The following SCHIP1 variants were observed in gnomAD, a reference collection of about 807,000 sequenced individuals.
SCHIP1 encodes the protein schwannomin-interacting protein 1.
Under a neutral mutation model 29.7 loss-of-function variants are expected in SCHIP1, and 8 were observed. That is an observed-to-expected ratio of 0.27 (90% CI 0.16 to 0.49). The LOEUF is 0.49. Ranked by LOEUF, SCHIP1 falls within the 20% of genes least tolerant of loss-of-function variation. The pLI is 0.99. For missense variants in SCHIP1, 193 were observed against 294.6 expected (o/e 0.66, Z 2.52); for synonymous variants, 76 against 94.9 (o/e 0.80, Z 1.16).
the SCHIP1 span, among the ~76,000 whole-genome samples, chr3:159,544,301 TATG>T: frequency 6.6e-6 from 1 of 152,086 alleles, no homozygotes; most frequent in Non-Finnish European, 1.5e-5. Context: ...TTCTACAATT[TATG>T]TATGTTACCA....
the SCHIP1 span, among the ~76,000 whole-genome samples, chr3:159,640,904 A>G: frequency 6.6e-6 from 1 of 152,166 alleles, no homozygotes; most frequent in Non-Finnish European, 1.5e-5. Flanking sequence ...TGCCTACATT[A>G]GAAAGACAAT....
chr3:159,337,445 AC>A, the SCHIP1 span, among the ~76,000 whole-genome samples: 1 of 152,054 alleles, frequency 6.6e-6, no homozygotes, highest in East Asian at 1.9e-4. Context: ...TATCCAGAAA[AC>A]CCCATTGTCT....
At chr3:159,750,297 A>ACG in the SCHIP1 span, among the ~76,000 whole-genome samples, 1 of 127,862 alleles carries the variant, frequency 7.8e-6, no homozygotes, top group African/African-American at 4.2e-5. Flanking sequence ...ATATATATAT[A>ACG]CACACACACA....
the SCHIP1 span, among the ~76,000 whole-genome samples, chr3:159,334,233 G>A: frequency 6.6e-6 from 1 of 152,282 alleles, no homozygotes; most frequent in African/African-American, 2.4e-5. Context: ...CGAAGAGGTT[G>A]TTGGCGAGAC....
At chr3:159,777,033 T>A in the SCHIP1 span, among the ~76,000 whole-genome samples, 1 of 152,194 alleles carries the variant, frequency 6.6e-6, no homozygotes, top group Non-Finnish European at 1.5e-5. Flanking sequence ...GAACATGATG[T>A]CAGTGTTCTG....
chr3:159,602,431 C>A, the SCHIP1 span, among the ~76,000 whole-genome samples: 1 of 152,160 alleles, frequency 6.6e-6, no homozygotes. Context: ...TCAGGCCGGG[C>A]CAGGCATGGT....
the SCHIP1 span, among the ~76,000 whole-genome samples, chr3:159,429,301 A>G: frequency 6.6e-6 from 1 of 152,022 alleles, no homozygotes; most frequent in Non-Finnish European, 1.5e-5. Flanking sequence ...ATAAGAGACT[A>G]CAAGGTTTTC....
chr3:159,689,093 T>C, the SCHIP1 span, among the ~76,000 whole-genome samples: 1 of 152,220 alleles, frequency 6.6e-6, no homozygotes, highest in Non-Finnish European at 1.5e-5. Flanking sequence ...TCCTTTTTGG[T>C]TCCATATGAA....
At chr3:159,711,412 A>T in the SCHIP1 span, among the ~76,000 whole-genome samples, 1 of 151,000 alleles carries the variant, frequency 6.6e-6, no homozygotes, top group Non-Finnish European at 1.5e-5. Context: ...TTTAAAAAAA[A>T]AATGTTTTCC....
the SCHIP1 span, chr3:159,274,181 C>T: frequency 1.0e-6 from 1 of 984,804 alleles, no homozygotes; most frequent in African/African-American, 1.7e-5. Flanking sequence ...TTGGAAATAG[C>T]ATTTTAATAT....
At chr3:159,438,258 C>T in the SCHIP1 span, among the ~76,000 whole-genome samples, 2 of 152,202 alleles carry the variant, frequency 1.3e-5, no homozygotes, top group East Asian at 3.9e-4. Flanking sequence ...CTGACCATGC[C>T]TGAGGGGTTC....
chr3:159,468,777 A>ATATATTT, the SCHIP1 span, among the ~76,000 whole-genome samples: 19 of 127,338 alleles, frequency 1.5e-4, no homozygotes, highest in East Asian at 2.7e-3. Flanking sequence ...ATATATATAT[A>ATATATTT]TTTTTTTTAG....
At chr3:159,711,933 A>C in the SCHIP1 span, among the ~76,000 whole-genome samples, 1 of 150,820 alleles carries the variant, frequency 6.6e-6, no homozygotes, top group African/African-American at 2.4e-5. Context: ...CCTAGGGATT[A>C]GGAAGATATT....
chr3:159,597,214 T>C, the SCHIP1 span, among the ~76,000 whole-genome samples: 4 of 152,136 alleles, frequency 2.6e-5, no homozygotes, highest in East Asian at 7.7e-4. Flanking sequence ...AAACTAATTA[T>C]ATAGATATTT....
chr3:159,507,636 A>G, the SCHIP1 span, among the ~76,000 whole-genome samples: 1 of 152,142 alleles, frequency 6.6e-6, no homozygotes, highest in Non-Finnish European at 1.5e-5. Context: ...TTTGAGATAC[A>G]TCCCATCAAT....
chr3:159,407,586 G>T, the SCHIP1 span, among the ~76,000 whole-genome samples: 3 of 152,120 alleles, frequency 2.0e-5, no homozygotes, highest in Non-Finnish European at 4.4e-5. Context: ...AATACACATT[G>T]TTCTCCTCAG....
intron 1 of SCHIP1, chr3:159,853,576 G>A (rs191386741): frequency 2.0e-6 from 1 of 494,342 alleles, no homozygotes; most frequent in Non-Finnish European, 3.6e-6. Context: ...AATATAGTCA[G>A]GAAAAACTAA....
the SCHIP1 span, among the ~76,000 whole-genome samples, chr3:159,481,431 A>G: frequency 6.6e-6 from 1 of 152,204 alleles, no homozygotes; most frequent in Non-Finnish European, 1.5e-5. Context: ...TGGCAGATAA[A>G]ATACAAGATG....
chr3:159,485,674 A>G, the SCHIP1 span, among the ~76,000 whole-genome samples: 20 of 152,152 alleles, frequency 1.3e-4, no homozygotes, highest in African/African-American at 4.8e-4. Flanking sequence ...TAGCTCTATA[A>G]TCTTGAGCAA....
Sources: gnomAD v4.1 joint callset for allele counts (sites outside exome capture counted in the v4.1 genomes callset) on GRCh38, gnomAD v4.1.1 for gene constraint, MANE v1.5 for transcripts, NCBI Gene and HGNC (gene_info 2026-07-23, HGNC 2026-07-21) for gene names.